The following STXBP5L variants were observed in gnomAD, a reference collection of about 807,000 sequenced individuals.
STXBP5L encodes the protein syntaxin-binding protein 5-like.
STXBP5L carries 65 observed loss-of-function variants against 144.5 expected under a neutral mutation model. That is an observed-to-expected ratio of 0.45 (90% confidence interval 0.37 to 0.55). STXBP5L has a LOEUF of 0.55. Among genes scored for constraint, STXBP5L ranks in the 20% least tolerant of loss-of-function variants. The pLI is 0.00. For synonymous variants in STXBP5L, 505 were observed against 469.6 expected (o/e 1.08, Z -0.97); for missense variants, 1,298 against 1,405.5 (o/e 0.92, Z 1.22).
At chr3:120,962,034 G>A (rs1938895239) in intron 3 of STXBP5L, among the ~76,000 whole-genome samples, 3 of 152,154 alleles carry the variant, frequency 2.0e-5, no homozygotes, top group Admixed American at 6.5e-5. Context: ...GTGATGATGA[G>A]CATTTTTTCA....
chr3:121,107,060 A>C (rs976770983), intron 5 of STXBP5L, among the ~76,000 whole-genome samples: 1 of 148,506 alleles, frequency 6.7e-6, no homozygotes, highest in East Asian at 1.9e-4. Context: ...GTTTCTGTTC[A>C]TGTCTTTGCC....
intron 3 of STXBP5L, among the ~76,000 whole-genome samples, chr3:121,029,138 C>G (rs1230639004): frequency 6.6e-6 from 1 of 152,166 alleles, no homozygotes; most frequent in Non-Finnish European, 1.5e-5. Flanking sequence ...CTATCCCCGT[C>G]AAGCTACCAC....
Position 121,318,388 on chromosome 3 carries a change from C to G in STXBP5L, c.2111-87C>G, listed in dbSNP as rs1021338814. 15 of 897,164 alleles carry G rather than the reference C, an allele frequency of 1.7e-5. No individual in the cohort carries two copies. The African/African-American group carries it at 2.5e-4, about 15-fold the overall frequency. The allele number at this position is 897,164 out of a possible 1,614,324, so 55.6% of individuals were successfully genotyped here. On this transcript the variant is annotated intron_variant, in intron 19 of 26. Coordinates refer to ENST00000471454, the MANE Select transcript of STXBP5L (RefSeq NM_001308330.2). Reference sequence around the variant, plus strand: ...AAAGTAGTTTTCACATAAAAAAAAGCCTTTTAAACTTGTAGGAATTAAGAA... The same window carrying G: ...AAAGTAGTTTTCACATAAAAAAAAGGCTTTTAAACTTGTAGGAATTAAGAA...
chr3:121,321,585 T>A (rs150654895), intron 20 of STXBP5L, among the ~76,000 whole-genome samples: 67 of 152,338 alleles, frequency 4.4e-4, no homozygotes, highest in African/African-American at 1.6e-3. Flanking sequence ...GCCTGAGATT[T>A]TGTATTTCTA....
chr3:121,357,329 A>G (rs1576275790), intron 20 of STXBP5L: 1 of 165,542 alleles, frequency 6.0e-6, no homozygotes, highest in African/African-American at 2.4e-5. Context: ...TGTGTGTGTG[A>G]AAATGAATAG....
chr3:121,184,325 T>C (rs1418555391), intron 9 of STXBP5L, among the ~76,000 whole-genome samples: 2 of 151,626 alleles, frequency 1.3e-5, no homozygotes, highest in Non-Finnish European at 2.9e-5. Context: ...TGAAAAAAGT[T>C]AGAGAAATTG....
At chr3:120,994,119 T>A (rs1422179919) in intron 3 of STXBP5L, among the ~76,000 whole-genome samples, 1 of 152,132 alleles carries the variant, frequency 6.6e-6, no homozygotes, top group Non-Finnish European at 1.5e-5. Flanking sequence ...GAAATGCTAC[T>A]GATTTTTGTG....
At chr3:121,346,674 G>A (rs1040643544) in intron 20 of STXBP5L, among the ~76,000 whole-genome samples, 4 of 152,130 alleles carry the variant, frequency 2.6e-5, no homozygotes, top group South Asian at 2.1e-4. Flanking sequence ...TCTCATTGTG[G>A]TTTTGATTTG....
chr3:121,350,707 A>T (rs1428102891), intron 20 of STXBP5L, among the ~76,000 whole-genome samples: 1 of 151,818 alleles, frequency 6.6e-6, no homozygotes, highest in African/African-American at 2.4e-5. Context: ...CATTTCATTC[A>T]TTTGATCTTC....
rs1024224411 is a variant in STXBP5L, at chr3:121,422,516, C to T, written c.*3419C>T. 4 of 152,092 alleles carry T rather than the reference C, an allele frequency of 2.6e-5. No homozygotes were observed. Among genetic ancestry groups the T allele is most frequent in the Non-Finnish European group, 4.4e-5 (3 of 68,022 alleles). 9.4% of individuals were successfully genotyped at this position (152,092 alleles called of 1,614,324 possible). A position where few individuals can be genotyped will look rare whatever the true frequency, so the allele number is the denominator to read the frequency against. ...CAATAGTCCCTACCTTGAAATCATCCATTAGTCTTGGAGTTTGGAGGGAGG... is the reference window on the plus strand; with the variant it reads ...CAATAGTCCCTACCTTGAAATCATCTATTAGTCTTGGAGTTTGGAGGGAGG... On this transcript the variant is annotated 3_prime_UTR_variant, in exon 27 of 27. Transcript: ENST00000471454.
chr3:121,281,364 G>A (rs1448386956), intron 19 of STXBP5L, among the ~76,000 whole-genome samples: 1 of 151,952 alleles, frequency 6.6e-6, no homozygotes, highest in Non-Finnish European at 1.5e-5. Context: ...ATTTTGAAAG[G>A]AAGACAAAAT....
At chr3:121,039,266 C>A (rs1350813350) in intron 3 of STXBP5L, among the ~76,000 whole-genome samples, 1 of 151,800 alleles carries the variant, frequency 6.6e-6, no homozygotes, top group African/African-American at 2.4e-5. Flanking sequence ...AATCTTCTTG[C>A]TGATTGCCTT....
chr3:121,097,677 G>A (rs1441646848), intron 5 of STXBP5L, among the ~76,000 whole-genome samples: 1 of 152,088 alleles, frequency 6.6e-6, no homozygotes, highest in Admixed American at 6.5e-5. Context: ...AGATGAACCG[G>A]GTACCTCAGT....
chr3:121,005,518 A>T (rs535083016), intron 3 of STXBP5L, among the ~76,000 whole-genome samples: 1 of 152,024 alleles, frequency 6.6e-6, no homozygotes, highest in Admixed American at 6.6e-5. Flanking sequence ...GGATTCATTG[A>T]TGTTTTGAAG....
At chr3:121,097,406 C>T (rs2043183946) in intron 5 of STXBP5L, among the ~76,000 whole-genome samples, 1 of 152,146 alleles carries the variant, frequency 6.6e-6, no homozygotes, top group South Asian at 2.1e-4. Context: ...TAATGGCCAC[C>T]CAGTTTTGTG....
At chr3:121,216,094 A>T (rs2048767754) in intron 10 of STXBP5L, among the ~76,000 whole-genome samples, 1 of 151,916 alleles carries the variant, frequency 6.6e-6, no homozygotes, top group South Asian at 2.1e-4. Flanking sequence ...AGTTCCTCTA[A>T]CCTTTTTTCA....
chr3:121,068,046 T>A (rs894810892), intron 5 of STXBP5L, among the ~76,000 whole-genome samples: 2 of 152,374 alleles, frequency 1.3e-5, no homozygotes, highest in African/African-American at 4.8e-5. Flanking sequence ...AGTCTCACTC[T>A]GTCACCAGGC....
At chr3:121,019,088 C>T in intron 3 of STXBP5L, among the ~76,000 whole-genome samples, 1 of 152,156 alleles carries the variant, frequency 6.6e-6, no homozygotes, top group East Asian at 1.9e-4. Flanking sequence ...CTGGGTCAGG[C>T]CTGTGGCTGC....
chr3:121,234,714 A>C (rs1464670041), intron 12 of STXBP5L, among the ~76,000 whole-genome samples: 1 of 152,004 alleles, frequency 6.6e-6, no homozygotes, highest in Non-Finnish European at 1.5e-5. Flanking sequence ...GTGTTTGGAA[A>C]GGGATGTAGG....
Sources: gnomAD v4.1 joint callset for allele counts (sites outside exome capture counted in the v4.1 genomes callset) on GRCh38, gnomAD v4.1.1 for gene constraint, MANE v1.5 for transcripts, NCBI Gene and HGNC (gene_info 2026-07-23, HGNC 2026-07-21) for gene names.